MARCHF6: variants seen among roughly 807,000 people sequenced by gnomAD.
The protein encoded by MARCHF6 is E3 ubiquitin-protein ligase MARCHF6.
In MARCHF6, 31 loss-of-function variants were observed where a neutral mutation model predicts 133.7. The ratio of observed to expected loss-of-function variants is 0.23; its 90% CI spans 0.17 to 0.31. The LOEUF is 0.31. MARCHF6 is among the 10% of genes least tolerant of loss of function. MARCHF6 has a pLI of 1.00. For missense variants in MARCHF6, 723 were observed against 1,121.6 expected (o/e 0.64, Z 5.08); for synonymous variants, 395 against 402.5 (o/e 0.98, Z 0.22).
intron 1 of MARCHF6, among the ~76,000 whole-genome samples, chr5:10,358,195 G>C (rs1225661881): frequency 6.6e-6 from 1 of 152,162 alleles, no homozygotes; most frequent in African/African-American, 2.4e-5. Flanking sequence ...AGCATGCCTA[G>C]AGTGTTCAAT....
intron 14 of MARCHF6, 119 bp downstream of exon 14, chr5:10,402,726 G>A: frequency 3.2e-6 from 3 of 925,442 alleles, no homozygotes; most frequent in Admixed American, 2.0e-5. Context: ...TATTCTTTTG[G>A]CATGTGTATC....
chr5:10,412,086 TG>T (rs1739263612), intron 19 of MARCHF6, among the ~76,000 whole-genome samples: 1 of 152,216 alleles, frequency 6.6e-6, no homozygotes, highest in Non-Finnish European at 1.5e-5. Flanking sequence ...AATAATGACA[TG>T]GGCTTGTGAG....
intron 1 of MARCHF6, among the ~76,000 whole-genome samples, chr5:10,369,951 C>T (rs1579531010): frequency 6.6e-6 from 1 of 152,004 alleles, no homozygotes; most frequent in East Asian, 1.9e-4. Context: ...GTTATACATA[C>T]TCACATAGGT....
At position 10,371,503 on chromosome 5, in the gene MARCHF6, AAGAG is replaced by A. The variant is rs578030310; in HGVS notation, c.20-6290_20-6287del. Among the ~76,000 whole-genome samples the A allele has an allele frequency of 7.9e-5, 12 of 152,320 alleles. No homozygotes were observed. The South Asian group carries it at 8.3e-4, about 11-fold the overall frequency. ...AGTCACAGGGATGGCAGCAGGCAAA[AAGAG>A]AGAGCAAGTGAGCTTGTGTGGGGGA... On this transcript the variant is annotated intron_variant, in intron 1 of 25. Coordinates refer to ENST00000274140, the MANE Select transcript of MARCHF6 (RefSeq NM_005885.4).
intron 4 of MARCHF6, 55 bp from the exon 5 acceptor site, chr5:10,386,939 A>G (rs920626101): frequency 1.5e-4 from 191 of 1,300,584 alleles, no homozygotes; most frequent in Admixed American, 2.7e-4. Context: ...TTGAGCAGCT[A>G]TGTGAATTCA....
At chr5:10,405,787 T>C in intron 16 of MARCHF6, 110 bp downstream of exon 16, 4 of 903,016 alleles carry the variant, frequency 4.4e-6, no homozygotes, top group Non-Finnish European at 6.3e-6. Context: ...GTATATTGAA[T>C]AATATATTTA....
chr5:10,387,579 A>G (rs1334354961), intron 5 of MARCHF6, among the ~76,000 whole-genome samples: 2 of 152,194 alleles, frequency 1.3e-5, no homozygotes, highest in African/African-American at 4.8e-5. Context: ...CTGGGATTAC[A>G]GGCGTGAGCC....
chr5:10,435,662 TATATATATATATATATATATATATATATA>T lies in MARCHF6; in HGVS notation c.*1979_*2007del, dbSNP rs1740598191. ...AACTATATATATATATATATATATA[TATATATATATATATATATATATATATATA>T]TATATATTTTTTTTTTTTTTTTTTT... On this transcript the variant is annotated 3_prime_UTR_variant, in exon 26 of 26. Coordinates refer to ENST00000274140, the MANE Select transcript of MARCHF6 (RefSeq NM_005885.4). 2.7e-4 allele frequency: 2 copies of T among 7,422 alleles called. No individual in the cohort carries two copies. The highest frequency in any genetic ancestry group is 1.8e-3 in the African/African-American group (2 of 1,132). 0.5% of individuals were successfully genotyped at this position (7,422 alleles called of 1,614,324 possible). A position where few individuals can be genotyped will look rare whatever the true frequency, so the allele number is the denominator to read the frequency against.
At chr5:10,403,367 G>A (rs1370892148) in intron 14 of MARCHF6, 40 bp from the exon 15 acceptor site, 6 of 1,582,614 alleles carry the variant, frequency 3.8e-6, no homozygotes, top group African/African-American at 1.4e-5. Flanking sequence ...GGCAAATGTA[G>A]GGGGCACAGA....
rs1407519948 is a variant in MARCHF6, at chr5:10,402,148, TA to T, written c.1053+11del. 2 of 1,539,652 alleles carry T rather than the reference TA, an allele frequency of 1.3e-6. No individual in the cohort carries two copies. Among genetic ancestry groups the T allele is most frequent in the Non-Finnish European group, 1.8e-6 (2 of 1,116,558 alleles). On this transcript the variant is annotated intron_variant, in intron 12 of 25. Coordinates refer to ENST00000274140, the MANE Select transcript of MARCHF6 (RefSeq NM_005885.4). ...CACTGATAATTTGTCATGTATCCTT[TA>T]ATGAACCAACTTGGGTGTACACTAA...
At chr5:10,385,670 A>G (rs373559450) in intron 4 of MARCHF6, among the ~76,000 whole-genome samples, 18 of 152,222 alleles carry the variant, frequency 1.2e-4, no homozygotes, top group Admixed American at 3.9e-4. Context: ...TATCATTCAA[A>G]TGCATTAAAT....
At chr5:10,387,898 G>A (rs1356693977) in intron 5 of MARCHF6, among the ~76,000 whole-genome samples, 1 of 152,156 alleles carries the variant, frequency 6.6e-6, no homozygotes, top group Non-Finnish European at 1.5e-5. Context: ...CTAACCTCAA[G>A]TAATCTGCCT....
intron 1 of MARCHF6, among the ~76,000 whole-genome samples, chr5:10,370,653 TTAAC>T (rs1191609167): frequency 3.3e-5 from 5 of 152,164 alleles, no homozygotes; most frequent in South Asian, 4.1e-4. Flanking sequence ...TTTCTTTTTT[TTAAC>T]TAACCCAGCA....
At chr5:10,367,427 A>G (rs1736201409) in intron 1 of MARCHF6, among the ~76,000 whole-genome samples, 1 of 152,226 alleles carries the variant, frequency 6.6e-6, no homozygotes, top group Admixed American at 6.5e-5. Flanking sequence ...TAAGACTTCT[A>G]AAATCTAAAG....
At chr5:10,360,737 T>C (rs1735772312) in intron 1 of MARCHF6, among the ~76,000 whole-genome samples, 2 of 152,212 alleles carry the variant, frequency 1.3e-5, no homozygotes, top group African/African-American at 4.8e-5. Flanking sequence ...TCCAGGTAGC[T>C]GGGTGGTGGT....
At chr5:10,366,801 T>G (rs1736164833) in intron 1 of MARCHF6, among the ~76,000 whole-genome samples, 1 of 152,112 alleles carries the variant, frequency 6.6e-6, no homozygotes, top group Admixed American at 6.6e-5. Flanking sequence ...CACAAGAAAC[T>G]GAGCTTGGGG....
chr5:10,402,222 C>T, intron 12 of MARCHF6, 83 bp downstream of exon 12: 1 of 1,119,724 alleles, frequency 8.9e-7, no homozygotes, highest in Non-Finnish European at 1.3e-6. Context: ...ACTTGTCTAT[C>T]CTTGTCCTCT....
At position 10,377,682 on chromosome 5, in the gene MARCHF6, T is replaced by C. The variant is rs1179080977; in HGVS notation, c.20-116T>C. 4 of 635,816 alleles carry C rather than the reference T, an allele frequency of 6.3e-6. No homozygotes were observed. In the African/African-American group the frequency reaches 7.2e-5, roughly 11 times the overall value. The allele number at this position is 635,816 out of a possible 1,614,324, so 39.4% of individuals were successfully genotyped here. A position where few individuals can be genotyped will look rare whatever the true frequency, so the allele number is the denominator to read the frequency against. On this transcript the variant is annotated intron_variant, in intron 1 of 25. Transcript: ENST00000274140. ...CTTTCAGTTCTCCGTACTATTAATG[T>C]TTTGTCAAGTGATAGATTCTTGCTT...
chr5:10,390,296 C>G, intron 5 of MARCHF6, 36 bp from the exon 6 acceptor site: 1 of 1,549,282 alleles, frequency 6.5e-7, no homozygotes, highest in Non-Finnish European at 8.7e-7. Flanking sequence ...TTTAAGTCTT[C>G]TTTGGAGTAA....
Sources: allele counts gnomAD v4.1 joint callset (sites outside exome capture counted in the v4.1 genomes callset), GRCh38; gene constraint gnomAD v4.1.1; transcripts MANE v1.5; gene names NCBI Gene and HGNC (gene_info 2026-07-23, HGNC 2026-07-21).